CLIP1: variants seen among roughly 807,000 people sequenced by gnomAD.
The protein encoded by CLIP1 is CAP-Gly domain-containing linker protein 1.
In CLIP1, 66 loss-of-function variants were observed where a neutral mutation model predicts 161.6. That is an observed-to-expected ratio of 0.41 (90% CI 0.33 to 0.50). The LOEUF is 0.50. CLIP1 is among the 20% of genes least tolerant of loss of function. The probability of loss-of-function intolerance (pLI) is 0.27; values close to 1 mark genes in which losing one functional copy is unlikely to be tolerated. For synonymous variants in CLIP1, 598 were observed against 626.2 expected (o/e 0.96, Z 0.67); for missense variants, 1,376 against 1,702.0 (o/e 0.81, Z 3.37).
chr12:122,360,176 T>C (rs1382588535), intron 5 of CLIP1, among the ~76,000 whole-genome samples: 4 of 152,188 alleles, frequency 2.6e-5, no homozygotes, highest in Non-Finnish European at 4.4e-5. Context: ...CAGGGACACT[T>C]CACACACTAA....
chr12:122,315,418 A>T (rs1951222424), intron 19 of CLIP1, among the ~76,000 whole-genome samples: 1 of 146,402 alleles, frequency 6.8e-6, no homozygotes, highest in Non-Finnish European at 1.5e-5. Context: ...ATAGAAGACC[A>T]AATGAAATCT....
chr12:122,281,415 G>A (rs896419724), intron 21 of CLIP1, among the ~76,000 whole-genome samples: 6 of 152,108 alleles, frequency 3.9e-5, no homozygotes, highest in African/African-American at 1.4e-4. Flanking sequence ...AGCCAGGCGC[G>A]GTGTCTCATC....
intron 20 of CLIP1, among the ~76,000 whole-genome samples, chr12:122,305,842 C>T (rs1326112716): frequency 2.0e-5 from 3 of 151,694 alleles, no homozygotes; most frequent in African/African-American, 4.8e-5. Context: ...CTGAGGTGGA[C>T]GGATTGCCTA....
chr12:122,386,311 C>T (rs182927377), intron 1 of CLIP1, among the ~76,000 whole-genome samples: 10 of 152,094 alleles, frequency 6.6e-5, no homozygotes, highest in Admixed American at 6.6e-4. Flanking sequence ...AAAGAAAATA[C>T]ATCAAAATGA....
intron 15 of CLIP1, among the ~76,000 whole-genome samples, chr12:122,332,670 C>G (rs1952032258): frequency 6.6e-6 from 1 of 152,196 alleles, no homozygotes; most frequent in Non-Finnish European, 1.5e-5. Context: ...ATCCGCCCAC[C>G]TCGGCCTCTC....
intron 1 of CLIP1, among the ~76,000 whole-genome samples, chr12:122,410,755 G>A (rs944427379): frequency 2.0e-5 from 3 of 152,014 alleles, no homozygotes; most frequent in South Asian, 2.1e-4. Context: ...CACCACATCC[G>A]GCCTTATAAG....
rs748940766 is a variant in CLIP1, at chr12:122,398,174, G to A, written c.-106-17616C>T. On this transcript the variant is annotated intron_variant, in intron 1 of 25. Transcript: ENST00000620786. ...CTCATGCCTGTAATCGCAGCACTTC[G>A]GAAGGCCAAGGCAGCCGGATCACCA... Among the ~76,000 whole-genome samples, 13 of 151,070 alleles carry A rather than the reference G, an allele frequency of 8.6e-5. 2 individuals carry two copies. Among genetic ancestry groups the A allele is most frequent in the Admixed American group, 2.0e-4 (3 of 15,102 alleles).
chr12:122,372,448 G>A (rs1202621825), intron 3 of CLIP1, among the ~76,000 whole-genome samples: 1 of 151,598 alleles, frequency 6.6e-6, no homozygotes, highest in Non-Finnish European at 1.5e-5. Flanking sequence ...CGGGTGTGGT[G>A]GTGGGTGCCT....
intron 1 of CLIP1, among the ~76,000 whole-genome samples, chr12:122,417,914 G>A (rs1049469783): frequency 2.0e-5 from 3 of 152,070 alleles, no homozygotes; most frequent in African/African-American, 7.2e-5. Context: ...TCCCTAGGAT[G>A]TTTTTCTCTC....
At chr12:122,328,498 T>C (rs537142605) in intron 15 of CLIP1, 72 bp from the exon 16 acceptor site, 22 of 806,950 alleles carry the variant, frequency 2.7e-5, no homozygotes, top group Non-Finnish European at 3.7e-5. Context: ...TATTAAAATA[T>C]ACTATTAATA....
chr12:122,380,095 T>A (rs1954942873), intron 2 of CLIP1, among the ~76,000 whole-genome samples: 1 of 149,960 alleles, frequency 6.7e-6, no homozygotes, highest in African/African-American at 2.5e-5. Flanking sequence ...ATACAAAAAT[T>A]AGCTGAGCGT....
chr12:122,373,338 G>A (rs1019670257), intron 3 of CLIP1, among the ~76,000 whole-genome samples: 20 of 151,754 alleles, frequency 1.3e-4, no homozygotes, highest in African/African-American at 4.6e-4. Context: ...CACGAGAATC[G>A]CTTGAACCCG....
At chr12:122,335,817 A>C (rs1952190443) in intron 12 of CLIP1, among the ~76,000 whole-genome samples, 1 of 152,146 alleles carries the variant, frequency 6.6e-6, no homozygotes, top group Non-Finnish European at 1.5e-5. Flanking sequence ...AAAAAAAAAA[A>C]AAAGATCACA....
At chr12:122,353,736 T>C (rs948302992) in intron 7 of CLIP1, among the ~76,000 whole-genome samples, 5 of 151,902 alleles carry the variant, frequency 3.3e-5, no homozygotes, top group African/African-American at 2.4e-5. Flanking sequence ...GTTCAAGCAA[T>C]TCTCCTGCCT....
intron 12 of CLIP1, among the ~76,000 whole-genome samples, chr12:122,335,314 T>C (rs1017030146): frequency 2.0e-5 from 3 of 152,006 alleles, no homozygotes; most frequent in African/African-American, 7.2e-5. Flanking sequence ...GATAGGATTA[T>C]GAAAAGATGG....
chr12:122,341,445 C>T lies in CLIP1; in HGVS notation c.1759G>A (p.Glu587Lys). The change falls in exon 11 of 26, where the codon GAG becomes AAG. Residue 587 changes from glutamate to lysine, a missense_variant. Coordinates refer to ENST00000620786, the MANE Select transcript of CLIP1 (RefSeq NM_001247997.2). ...FGAREETHQK[E>K]IKALYTATEK... ...GTGGCGGTATACAGAGCCTTTATCT[C>T]CTTCTGATGAGTTTCTTCCCGGGCT... 3 of 1,613,620 alleles carry T rather than the reference C, an allele frequency of 1.9e-6. No individual in the cohort carries two copies. The highest frequency in any genetic ancestry group is 2.5e-6 in the Non-Finnish European group (3 of 1,179,686).
At chr12:122,286,538 A>AG (rs1162939367) in intron 21 of CLIP1, among the ~76,000 whole-genome samples, 2 of 149,232 alleles carry the variant, frequency 1.3e-5, no homozygotes, top group Admixed American at 6.7e-5. Flanking sequence ...AAAAAAAAAA[A>AG]AAAAAAAAAA....
At chr12:122,281,138 G>A (rs186560999) in intron 21 of CLIP1, among the ~76,000 whole-genome samples, 1 of 152,196 alleles carries the variant, frequency 6.6e-6, no homozygotes, top group Non-Finnish European at 1.5e-5. Flanking sequence ...TCATTGTGTG[G>A]CTTACACTTA....
chr12:122,375,864 G>C (rs1954700787), intron 3 of CLIP1, among the ~76,000 whole-genome samples: 1 of 143,440 alleles, frequency 7.0e-6, no homozygotes, highest in Admixed American at 7.3e-5. Context: ...CATAATCATA[G>C]TTCCCTGCAG....
Sources: gnomAD v4.1 joint callset for allele counts (sites outside exome capture counted in the v4.1 genomes callset) on GRCh38, gnomAD v4.1.1 for gene constraint, MANE v1.5 for transcripts, NCBI Gene and HGNC (gene_info 2026-07-23, HGNC 2026-07-21) for gene names.